Variants in PKIB observed in about 807,000 individuals in gnomAD.
PKIB encodes the protein cAMP-dependent protein kinase inhibitor beta.
In PKIB, 2 loss-of-function variants were observed where a neutral mutation model predicts 4.5. The observed-to-expected ratio is 0.44, with a 90% CI of 0.18 to 1.39. The LOEUF (loss-of-function observed/expected upper bound fraction) is 1.39. Ranked by LOEUF, PKIB falls within the 40% of genes most tolerant of loss-of-function variation. PKIB has a pLI of 0.27. For synonymous variants in PKIB, 38 were observed against 36.0 expected, an observed-to-expected ratio of 1.06 and a Z score of -0.20; for missense variants, 94 against 92.6, an observed-to-expected ratio of 1.02 and a Z score of -0.06.
chr6:122,618,854 G>A (rs190756997), intron 1 of PKIB, among the ~76,000 whole-genome samples: 16 of 152,118 alleles, frequency 1.1e-4, no homozygotes, highest in African/African-American at 3.9e-4. Flanking sequence ...CTGCATCAGA[G>A]GATGTTAATT....
intron 3 of PKIB, among the ~76,000 whole-genome samples, chr6:122,596,632 C>G (rs1032759284): frequency 1.6e-4 from 24 of 152,284 alleles, no homozygotes; most frequent in African/African-American, 4.8e-4. Flanking sequence ...GCCAAGAGCT[C>G]TCTCTCAAAA....
At chr6:122,570,810 A>C (rs1427424940) in intron 2 of PKIB, among the ~76,000 whole-genome samples, 1 of 152,094 alleles carries the variant, frequency 6.6e-6, no homozygotes, top group African/African-American at 2.4e-5. Context: ...ATGAAAAGGA[A>C]CCAGAAAAGT....
rs140971197 is a variant in PKIB, at chr6:122,573,199, C to T, written c.-247-12722C>T. On this transcript the variant is annotated intron_variant, in intron 2 of 6. Transcript: ENST00000392491. ...TGCAAACCAATATCTCTGATAAAAA[C>T]AGATGCAAAATCCTCAACAAAATAC... Among the ~76,000 whole-genome samples the T allele has an allele frequency of 3.3e-5, 5 of 152,180 alleles. No homozygotes were observed. In the East Asian group the frequency reaches 9.7e-4, roughly 29 times the overall value.
At chr6:122,583,700 A>G in intron 2 of PKIB, among the ~76,000 whole-genome samples, 1 of 152,102 alleles carries the variant, frequency 6.6e-6, no homozygotes, top group East Asian at 1.9e-4. Context: ...AACACCATTA[A>G]TCATAATGAT....
chr6:122,679,206 G>T (rs913361402), intron 3 of PKIB, among the ~76,000 whole-genome samples: 18 of 152,224 alleles, frequency 1.2e-4, no homozygotes, highest in African/African-American at 4.3e-4. Context: ...AAGCACAAAC[G>T]TGCAGTGACC....
intron 3 of PKIB, among the ~76,000 whole-genome samples, chr6:122,707,811 C>A (rs188667857): frequency 1.3e-5 from 2 of 151,946 alleles, no homozygotes; most frequent in Non-Finnish European, 2.9e-5. Context: ...GTATATGTGC[C>A]GCTGAAAAAA....
At chr6:122,639,815 CTG>C (rs1220186988) in intron 2 of PKIB, among the ~76,000 whole-genome samples, 1 of 152,142 alleles carries the variant, frequency 6.6e-6, no homozygotes, top group Non-Finnish European at 1.5e-5. Context: ...CCTGTGATAA[CTG>C]AGTTGATTGG....
chr6:122,565,900 T>C (rs1773175848), intron 2 of PKIB, among the ~76,000 whole-genome samples: 1 of 152,198 alleles, frequency 6.6e-6, no homozygotes, highest in African/African-American at 2.4e-5. Context: ...AATGACATCA[T>C]CACAAATCTG....
intron 2 of PKIB, chr6:122,480,497 C>T (rs1403727406): frequency 6.6e-6 from 1 of 152,110 alleles, no homozygotes; most frequent in African/African-American, 2.4e-5. Context: ...AGAACAACTA[C>T]AATTTATTTA....
chr6:122,519,013 C>T (rs1776850460), intron 2 of PKIB, among the ~76,000 whole-genome samples: 1 of 152,050 alleles, frequency 6.6e-6, no homozygotes, highest in South Asian at 2.1e-4. Context: ...AGTATGAGCA[C>T]TTATTGGGTT....
intron 2 of PKIB, among the ~76,000 whole-genome samples, chr6:122,484,730 A>T (rs747678704): frequency 3.3e-5 from 5 of 152,202 alleles, no homozygotes; most frequent in Non-Finnish European, 5.9e-5. Context: ...ACAAAACAAC[A>T]TATCACATCC....
intron 1 of PKIB, among the ~76,000 whole-genome samples, chr6:122,621,343 G>A (rs1275333058): frequency 1.3e-5 from 2 of 152,108 alleles, no homozygotes; most frequent in South Asian, 4.1e-4. Flanking sequence ...TGATGCTAAG[G>A]AATATGCCAG....
At chr6:122,486,902 C>T (rs1287496717) in intron 2 of PKIB, among the ~76,000 whole-genome samples, 2 of 152,002 alleles carry the variant, frequency 1.3e-5, no homozygotes, top group Admixed American at 6.6e-5. Context: ...TCCCAATTCC[C>T]CAAATGTTAA....
At chr6:122,493,434 C>T (rs1775991413) in intron 2 of PKIB, 2 of 152,184 alleles carry the variant, frequency 1.3e-5, no homozygotes, top group Non-Finnish European at 1.5e-5. Context: ...ATAAGATACA[C>T]AATTTATGAT....
intron 2 of PKIB, among the ~76,000 whole-genome samples, chr6:122,584,697 A>T (rs757159675): frequency 6.6e-6 from 1 of 152,182 alleles, no homozygotes. Context: ...TTTATTAAGA[A>T]AGAATCTTGA....
chr6:122,705,272 A>G (rs1433466170), intron 3 of PKIB, among the ~76,000 whole-genome samples: 1 of 152,146 alleles, frequency 6.6e-6, no homozygotes, highest in African/African-American at 2.4e-5. Flanking sequence ...AAATCAATGG[A>G]CAATAAGAGT....
At chr6:122,530,996 A>G (rs1475179709) in intron 2 of PKIB, 1 of 152,186 alleles carries the variant, frequency 6.6e-6, no homozygotes, top group African/African-American at 2.4e-5. Context: ...CTCACAGGAT[A>G]TTCTGTTATT....
rs190024769 is a variant in PKIB, at chr6:122,489,018, T to C, written c.-248+11079T>C. On this transcript the variant is annotated intron_variant, in intron 2 of 6. Transcript: ENST00000392491. ...TCATTATTCTCAATTTATTCACTTA[T>C]TTGCTTTTTCCTCCTGTATATAATC... is the stretch of plus-strand genomic sequence containing the variant. 2.6e-3 allele frequency among the ~76,000 whole-genome samples: 393 copies of C among 152,268 alleles called. 4 individuals carry two copies. Among genetic ancestry groups the C allele is most frequent in the Non-Finnish European group, 6.9e-4 (47 of 68,022 alleles).
intron 2 of PKIB, among the ~76,000 whole-genome samples, chr6:122,530,427 T>G (rs1312870853): frequency 6.6e-6 from 1 of 152,172 alleles, no homozygotes; most frequent in Non-Finnish European, 1.5e-5. Context: ...CTCACAGATT[T>G]ATGTTTCTTT....
Sources: gnomAD v4.1 joint callset for allele counts (sites outside exome capture counted in the v4.1 genomes callset) on GRCh38, gnomAD v4.1.1 for gene constraint, MANE v1.5 for transcripts, NCBI Gene and HGNC (gene_info 2026-07-23, HGNC 2026-07-21) for gene names.